Variants in RBFOX1 observed in about 807,000 individuals in gnomAD.
The protein encoded by RBFOX1 is RNA binding fox-1 homolog 1, also known as RNA binding protein fox-1 homolog 1.
A neutral mutation model predicts 57.7 loss-of-function variants in RBFOX1; 8 were observed. The ratio of observed to expected loss-of-function variants is 0.14; its 90% CI spans 0.08 to 0.25. The LOEUF is 0.25. RBFOX1 is among the 10% of genes least tolerant of loss of function. RBFOX1 has a pLI of 1.00. For missense variants in RBFOX1, 611 were observed against 548.5 expected (o/e 1.11, Z -1.14); for synonymous variants, 326 against 222.4 (o/e 1.47, Z -4.15).
chr16:6,551,075 A>T (rs573441910), intron 2 of RBFOX1, among the ~76,000 whole-genome samples: 1 of 152,234 alleles, frequency 6.6e-6, no homozygotes, highest in African/African-American at 2.4e-5. Flanking sequence ...TGCCTCCTGG[A>T]CCCATTTTAT....
At chr16:5,473,029 G>C (rs141040592) in intron 2 of RBFOX1, among the ~76,000 whole-genome samples, 73 of 152,256 alleles carry the variant, frequency 4.8e-4, no homozygotes, top group Non-Finnish European at 9.0e-4. Context: ...CTCTGCCCCT[G>C]CCTTGATCCA....
chr16:6,619,667 C>G (rs1466215922), intron 2 of RBFOX1, among the ~76,000 whole-genome samples: 2 of 144,746 alleles, frequency 1.4e-5, no homozygotes, highest in Non-Finnish European at 3.0e-5. Flanking sequence ...CTCAAAACTG[C>G]TTTCATCTTT....
At chr16:5,365,426 G>C (rs2065683785) in intron 1 of RBFOX1, among the ~76,000 whole-genome samples, 1 of 152,180 alleles carries the variant, frequency 6.6e-6, no homozygotes, top group African/African-American at 2.4e-5. Flanking sequence ...CCAGCACTTT[G>C]GGAGGCCAAG....
At chr16:6,619,164 A>C (rs1321266273) in intron 2 of RBFOX1, among the ~76,000 whole-genome samples, 1 of 142,836 alleles carries the variant, frequency 7.0e-6, no homozygotes, top group Non-Finnish European at 1.6e-5. Context: ...TCCAGCCAGG[A>C]AGGAGAAAAA....
chr16:7,389,013 A>G (rs1280243103), intron 4 of RBFOX1, among the ~76,000 whole-genome samples: 2 of 152,226 alleles, frequency 1.3e-5, no homozygotes, highest in African/African-American at 4.8e-5. Flanking sequence ...AAAGTGTGAT[A>G]CAAGTTCTTT....
rs1054967616 is a variant in RBFOX1 at position 5,504,181 on chromosome 16, C to T, written c.258+36927C>T. Among the ~76,000 whole-genome samples, 3 of 152,224 alleles carry T rather than the reference C, an allele frequency of 2.0e-5. No individual in the cohort carries two copies. The East Asian group carries it at 5.8e-4, about 29-fold the overall frequency. On this transcript the variant is annotated intron_variant, in intron 2 of 2. Transcript: ENST00000585867. ...TACTCATTTCAAACTCGATTTGAGGCTCTGCCAAGAGCAGCAGCACCCCTG... is the reference window on the plus strand; with the variant it reads ...TACTCATTTCAAACTCGATTTGAGGTTCTGCCAAGAGCAGCAGCACCCCTG...
chr16:7,288,392 T>G (rs544322108), intron 4 of RBFOX1, among the ~76,000 whole-genome samples: 1 of 152,340 alleles, frequency 6.6e-6, no homozygotes, highest in South Asian at 2.1e-4. Flanking sequence ...TTAAATAAGT[T>G]ATTTATCTTC....
intron 3 of RBFOX1, among the ~76,000 whole-genome samples, chr16:5,684,267 G>C (rs948601114): frequency 6.6e-6 from 1 of 152,144 alleles, no homozygotes; most frequent in African/African-American, 2.4e-5. Context: ...TTGGCAGACA[G>C]AATCTAACAG....
chr16:7,544,566 A>G (rs1230311040), intron 5 of RBFOX1, among the ~76,000 whole-genome samples: 3 of 152,178 alleles, frequency 2.0e-5, no homozygotes, highest in Non-Finnish European at 4.4e-5. Flanking sequence ...TACCAGGGAC[A>G]CCAAGGATTG....
chr16:6,981,526 C>T (rs1023171262), intron 3 of RBFOX1, among the ~76,000 whole-genome samples: 2 of 152,058 alleles, frequency 1.3e-5, no homozygotes, highest in East Asian at 1.9e-4. Context: ...AAAGACGTAC[C>T]TGAGACTGGG....
intron 2 of RBFOX1, among the ~76,000 whole-genome samples, chr16:5,587,289 C>T (rs2046864484): frequency 6.6e-6 from 1 of 152,186 alleles, no homozygotes; most frequent in African/African-American, 2.4e-5. Flanking sequence ...AGACATTCCT[C>T]CAAAGAAGAT....
intron 2 of RBFOX1, among the ~76,000 whole-genome samples, chr16:5,546,665 C>T (rs1455046420): frequency 6.6e-6 from 1 of 152,106 alleles, no homozygotes; most frequent in Non-Finnish European, 1.5e-5. Flanking sequence ...TCTAAAGATA[C>T]CATAGGAAAA....
chr16:7,441,416 C>G (rs1484210190), intron 4 of RBFOX1, among the ~76,000 whole-genome samples: 2 of 152,240 alleles, frequency 1.3e-5, no homozygotes, highest in African/African-American at 2.4e-5. Context: ...ATGATGTTGC[C>G]TAAGCCTCCC....
At chr16:6,788,829 C>T (rs1244433200) in intron 3 of RBFOX1, among the ~76,000 whole-genome samples, 1 of 151,994 alleles carries the variant, frequency 6.6e-6, no homozygotes, top group African/African-American at 2.4e-5. Context: ...TGCCAATTTC[C>T]ATCTTATGTC....
At chr16:7,171,722 C>G (rs911511496) in intron 4 of RBFOX1, among the ~76,000 whole-genome samples, 2 of 152,204 alleles carry the variant, frequency 1.3e-5, no homozygotes, top group African/African-American at 2.4e-5. Flanking sequence ...TTCTGAACAG[C>G]TAAGCCTCAG....
intron 2 of RBFOX1, among the ~76,000 whole-genome samples, chr16:6,422,637 C>G (rs529391349): frequency 6.6e-6 from 1 of 152,210 alleles, no homozygotes; most frequent in African/African-American, 2.4e-5. Context: ...TAAGGTGACT[C>G]ACATGGCAGG....
intron 3 of RBFOX1, among the ~76,000 whole-genome samples, chr16:6,913,989 C>G (rs752739876): frequency 1.3e-5 from 2 of 152,168 alleles, no homozygotes; most frequent in African/African-American, 2.4e-5. Context: ...ATACATTGCA[C>G]TTGATGAGAA....
rs548088619 is a variant in RBFOX1, at chr16:5,490,753, C to G, written c.258+23499C>G. ...GCGTGGGAGAGCAGAGATCATGAAG[C>G]TGCCGCGCCCCCTGCAGGCCGTGGG... On this transcript the variant is annotated intron_variant, in intron 2 of 2. Coordinates refer to the RBFOX1 transcript ENST00000585867. 1.3e-3 allele frequency among the ~76,000 whole-genome samples: 203 copies of G among 152,314 alleles called. 3 individuals carry two copies. Among genetic ancestry groups the G allele is most frequent in the African/African-American group, 4.7e-3 (197 of 41,574 alleles).
At chr16:5,599,864 C>G (rs941081369) in exon 3 of RBFOX1, 7 of 152,488 alleles carry the variant, frequency 4.6e-5, no homozygotes, top group African/African-American at 1.7e-4. Flanking sequence ...AGAGTAAATT[C>G]TTTTATCAAA....
Sources: gnomAD v4.1 joint callset for allele counts (sites outside exome capture counted in the v4.1 genomes callset) on GRCh38, gnomAD v4.1.1 for gene constraint, MANE v1.5 for transcripts, NCBI Gene and HGNC (gene_info 2026-07-23, HGNC 2026-07-21) for gene names.